RELCH: variants seen among roughly 807,000 people sequenced by gnomAD.
RELCH encodes the protein RAB11 binding and LisH domain, coiled-coil and HEAT repeat containing.
RELCH carries 41 observed loss-of-function variants against 150.3 expected under a neutral mutation model. That is an observed-to-expected ratio of 0.27 (90% CI 0.21 to 0.35). RELCH has a LOEUF of 0.35. Among genes scored for constraint, RELCH ranks in the 10% least tolerant of loss-of-function variants. The pLI, the probability that RELCH is intolerant of heterozygous loss-of-function variation, is 1.00. For missense variants in RELCH, 1,092 were observed against 1,467.8 expected (o/e 0.74, Z 4.18); for synonymous variants, 478 against 531.8 (o/e 0.90, Z 1.39).
intron 26 of RELCH, among the ~76,000 whole-genome samples, chr18:62,289,770 C>A (rs2045015182): frequency 6.6e-6 from 1 of 152,160 alleles, no homozygotes; most frequent in African/African-American, 2.4e-5. Flanking sequence ...GAACTAATTA[C>A]CTTTAACTTT....
intron 16 of RELCH, among the ~76,000 whole-genome samples, chr18:62,263,458 T>C (rs1222187130): frequency 3.9e-5 from 6 of 152,036 alleles, no homozygotes; most frequent in Non-Finnish European, 7.4e-5. Context: ...ATGTTAATGT[T>C]ACTATACCTT....
chr18:62,233,253 A>G (rs1394234668), intron 10 of RELCH, among the ~76,000 whole-genome samples: 3 of 151,772 alleles, frequency 2.0e-5, no homozygotes, highest in African/African-American at 7.2e-5. Context: ...TAAAATTTTT[A>G]GATCAAAAAA....
chr18:62,292,508 A>G (rs1405882326), intron 27 of RELCH, among the ~76,000 whole-genome samples: 1 of 152,074 alleles, frequency 6.6e-6, no homozygotes, highest in East Asian at 1.9e-4. Context: ...TGCCTTTACT[A>G]TATGTTAATA....
At position 62,275,342 on chromosome 18, in the gene RELCH, A is replaced by AT. The variant is rs1240646046; in HGVS notation, c.2868-28dup. 3.9e-6 allele frequency: 5 copies of AT among 1,286,796 alleles called. 1 individual carries two copies. Among genetic ancestry groups the AT allele is most frequent in the Non-Finnish European group, 5.4e-6 (5 of 928,608 alleles). 79.7% of individuals were successfully genotyped at this position (1,286,796 alleles called of 1,614,324 possible). On this transcript the variant is annotated intron_variant, in intron 21 of 28. Coordinates refer to ENST00000644646, the MANE Select transcript of RELCH (RefSeq NM_001346231.2). The stretch of plus-strand genomic sequence containing the variant: ...CACTAGTAAGGGACTGTGGCTCTCA[A>AT]TTTTAACACTGTTTTTTTTTTTTTC...
chr18:62,220,428 C>A, intron 2 of RELCH, among the ~76,000 whole-genome samples: 1 of 139,090 alleles, frequency 7.2e-6, no homozygotes. Context: ...AAAACATACT[C>A]TTGTTTGTAG....
At chr18:62,298,913 C>A in intron 28 of RELCH, 53 bp downstream of exon 28, 1 of 984,660 alleles carries the variant, frequency 1.0e-6, no homozygotes, top group Non-Finnish European at 1.6e-6. Context: ...ATTTTTCTAT[C>A]TAAATTTGCT....
At chr18:62,278,753 C>A (rs545019266) in intron 22 of RELCH, among the ~76,000 whole-genome samples, 1 of 152,062 alleles carries the variant, frequency 6.6e-6, no homozygotes, top group Non-Finnish European at 1.5e-5. Flanking sequence ...ATGTATACGG[C>A]TCAGTATTGT....
intron 10 of RELCH, among the ~76,000 whole-genome samples, chr18:62,236,331 CCTT>C (rs2041878969): frequency 6.6e-6 from 1 of 151,826 alleles, no homozygotes; most frequent in Non-Finnish European, 1.5e-5. Flanking sequence ...GGTTTATAAA[CCTT>C]CTAATGTGCT....
chr18:62,245,811 T>A (rs1399374616), intron 11 of RELCH: 1 of 152,198 alleles, frequency 6.6e-6, no homozygotes, highest in Non-Finnish European at 1.5e-5. Context: ...TACACTTTTC[T>A]GCTTTCTAGT....
chr18:62,269,439 A>G, intron 20 of RELCH: 1 of 424,688 alleles, frequency 2.4e-6, no homozygotes, highest in Non-Finnish European at 4.8e-6. Context: ...ATACATAATG[A>G]GATATCTTGG....
chr18:62,270,587 T>C (rs772581417), intron 20 of RELCH, among the ~76,000 whole-genome samples: 20 of 152,152 alleles, frequency 1.3e-4, no homozygotes, highest in Non-Finnish European at 2.5e-4. Flanking sequence ...AACTTATTTA[T>C]TTTGCTCTTT....
chr18:62,205,092 G>T, intron 1 of RELCH, among the ~76,000 whole-genome samples: 1 of 152,034 alleles, frequency 6.6e-6, no homozygotes, highest in Non-Finnish European at 1.5e-5. Context: ...CATCTTTTCA[G>T]CCATTTCTCC....
At chr18:62,194,763 T>A (rs2038906757) in intron 1 of RELCH, among the ~76,000 whole-genome samples, 1 of 152,252 alleles carries the variant, frequency 6.6e-6, no homozygotes, top group Non-Finnish European at 1.5e-5. Context: ...AGATTGGTAG[T>A]ATGGATTATC....
intron 2 of RELCH, among the ~76,000 whole-genome samples, chr18:62,211,527 C>A (rs754493993): frequency 8.5e-5 from 13 of 152,110 alleles, no homozygotes; most frequent in Admixed American, 2.6e-4. Flanking sequence ...TATGACAGGT[C>A]CAAGACAAAG....
In RELCH at chr18:62,295,087, C is replaced by G. The variant is rs2045339218; in HGVS notation, c.3459+3456C>G. Among the ~76,000 whole-genome samples, 2 of 152,172 alleles carry G rather than the reference C, an allele frequency of 1.3e-5. 1 individual carries two copies. Among genetic ancestry groups the G allele is most frequent in the South Asian group, 4.1e-4 (2 of 4,832 alleles). On this transcript the variant is annotated intron_variant, in intron 27 of 28. Coordinates refer to ENST00000644646, the MANE Select transcript of RELCH (RefSeq NM_001346231.2). ...CTGTCCTTTTTTAGAAATGTTTTGACTGTTCATGACCCTTACCTTCCTCAT... is the reference window on the plus strand; with the variant it reads ...CTGTCCTTTTTTAGAAATGTTTTGAGTGTTCATGACCCTTACCTTCCTCAT...
chr18:62,252,496 G>A (rs2042768759), intron 11 of RELCH, among the ~76,000 whole-genome samples, 168 bp from the exon 12 acceptor site: 1 of 151,658 alleles, frequency 6.6e-6, no homozygotes, highest in South Asian at 2.1e-4. Flanking sequence ...TCCAGCCTGG[G>A]AGACAGCCAG....
chr18:62,190,958 G>A (rs1434154577), intron 1 of RELCH, among the ~76,000 whole-genome samples: 2 of 152,144 alleles, frequency 1.3e-5, no homozygotes, highest in Admixed American at 6.5e-5. Flanking sequence ...TCTAAAATTC[G>A]ATATAAATAG....
intron 22 of RELCH, among the ~76,000 whole-genome samples, chr18:62,279,427 A>T (rs1290414862): frequency 6.6e-6 from 1 of 152,148 alleles, no homozygotes; most frequent in Non-Finnish European, 1.5e-5. Flanking sequence ...GAGAATTTTA[A>T]CCATAGAGCA....
At chr18:62,226,115 A>G (rs2041201362) in intron 5 of RELCH, among the ~76,000 whole-genome samples, 1 of 152,074 alleles carries the variant, frequency 6.6e-6, no homozygotes, top group South Asian at 2.1e-4. Flanking sequence ...TATCACATTT[A>G]GAATGTTCAA....
Sources: allele counts gnomAD v4.1 joint callset (sites outside exome capture counted in the v4.1 genomes callset), GRCh38; gene constraint gnomAD v4.1.1; transcripts MANE v1.5; gene names NCBI Gene and HGNC (gene_info 2026-07-23, HGNC 2026-07-21).